The following STXBP5 variants were observed in gnomAD, a reference collection of about 807,000 sequenced individuals.
STXBP5 encodes syntaxin binding protein 5, also known as syntaxin-binding protein 5.
A neutral mutation model predicts 152.4 loss-of-function variants in STXBP5; 50 were observed. That is an observed-to-expected ratio of 0.33 (90% CI 0.26 to 0.42). STXBP5 has a LOEUF of 0.42. STXBP5 is among the 10% of genes least tolerant of loss of function. STXBP5 has a pLI of 1.00. For missense variants in STXBP5, 1,167 were observed against 1,388.6 expected (o/e 0.84, Z 2.54); for synonymous variants, 492 against 494.7 (o/e 0.99, Z 0.07).
chr6:147,215,746 A>G (rs1247894398), intron 2 of STXBP5, among the ~76,000 whole-genome samples: 2 of 152,112 alleles, frequency 1.3e-5, no homozygotes, highest in African/African-American at 2.4e-5. Context: ...AATTATTTTT[A>G]TAGGTTTTTT....
intron 23 of STXBP5, among the ~76,000 whole-genome samples, chr6:147,362,121 T>C (rs1189589715): frequency 6.6e-6 from 1 of 152,160 alleles, no homozygotes; most frequent in Non-Finnish European, 1.5e-5. Flanking sequence ...AAAGTATTCA[T>C]TGTTTATCTG....
chr6:147,328,773 T>C (rs781651391), intron 18 of STXBP5: 66 of 470,876 alleles, frequency 1.4e-4, no homozygotes, highest in South Asian at 9.9e-4. Context: ...ACTACGTTCT[T>C]CTTTTTTAAG....
At chr6:147,325,870 T>C (rs1783224427) in intron 17 of STXBP5, among the ~76,000 whole-genome samples, 1 of 152,052 alleles carries the variant, frequency 6.6e-6, no homozygotes, top group Admixed American at 6.6e-5. Flanking sequence ...AGATGAAAAA[T>C]ATTCAGAAAA....
At chr6:147,262,434 C>A in intron 6 of STXBP5, 81 bp downstream of exon 6, 1 of 809,902 alleles carries the variant, frequency 1.2e-6, no homozygotes, top group Non-Finnish European at 1.9e-6. Context: ...CAGGATCACA[C>A]TTATTACAAA....
chr6:147,235,552 T>A (rs193219097), intron 3 of STXBP5, among the ~76,000 whole-genome samples: 23 of 152,294 alleles, frequency 1.5e-4, no homozygotes, highest in African/African-American at 5.3e-4. Flanking sequence ...TTGAAAGGCC[T>A]AAGGTAAATG....
chr6:147,247,731 G>A (rs1407416950), intron 4 of STXBP5, among the ~76,000 whole-genome samples: 6 of 152,044 alleles, frequency 3.9e-5, no homozygotes, highest in Admixed American at 6.6e-5. Context: ...TTTAACGTGT[G>A]CAGTTAGTTA....
At chr6:147,229,749 G>GT (rs1050354870) in intron 2 of STXBP5, among the ~76,000 whole-genome samples, 123 of 151,322 alleles carry the variant, frequency 8.1e-4, no homozygotes, top group African/African-American at 2.8e-3. Context: ...ATTCATTCCA[G>GT]TTTTTTTTAG....
chr6:147,208,130 T>C (rs1252721280), intron 2 of STXBP5, among the ~76,000 whole-genome samples: 1 of 152,044 alleles, frequency 6.6e-6, no homozygotes, highest in Middle Eastern at 3.2e-3. Context: ...TTTGCAATTA[T>C]ACTCTAAAGT....
At chr6:147,357,007 C>T (rs780707334) in intron 22 of STXBP5, among the ~76,000 whole-genome samples, 5 of 152,088 alleles carry the variant, frequency 3.3e-5, no homozygotes, top group Non-Finnish European at 7.4e-5. Flanking sequence ...TATTGAATTC[C>T]TTTCACATGC....
chr6:147,264,371 A>G (rs1779786077), intron 6 of STXBP5, among the ~76,000 whole-genome samples: 1 of 152,100 alleles, frequency 6.6e-6, no homozygotes, highest in South Asian at 2.1e-4. Flanking sequence ...GCCACTTTAT[A>G]TACACGATTT....
chr6:147,272,638 C>G (rs1028794174), intron 7 of STXBP5, among the ~76,000 whole-genome samples: 1 of 152,116 alleles, frequency 6.6e-6, no homozygotes, highest in African/African-American at 2.4e-5. Flanking sequence ...TTCCCCTCCC[C>G]TAATATTTAT....
intron 2 of STXBP5, among the ~76,000 whole-genome samples, chr6:147,221,666 T>C (rs577167866): frequency 2.6e-5 from 4 of 152,084 alleles, no homozygotes; most frequent in East Asian, 1.9e-4. Context: ...GGGGTTTTTT[T>C]CCAATGGCTT....
rs200486614 is a variant in STXBP5, at chr6:147,260,601, T to C, written c.432-14T>C. The C allele has an allele frequency of 3.7e-6, 6 of 1,613,508 alleles. No homozygotes were observed. The Admixed American group carries it at 8.3e-5, about 22-fold the overall frequency. On this transcript the variant is annotated splice_polypyrimidine_tract_variant and intron_variant, in intron 4 of 27. Transcript: ENST00000321680. ...TTTTCAAATTTCTTTTTTGAGTATA[T>C]TTTTCTCTTGCAGGGTTACATTTTG...
At chr6:147,256,051 A>G (rs1252539055) in intron 4 of STXBP5, among the ~76,000 whole-genome samples, 1 of 152,198 alleles carries the variant, frequency 6.6e-6, no homozygotes, top group Non-Finnish European at 1.5e-5. Flanking sequence ...GTTTAAAAGA[A>G]TGTTTGGAAG....
chr6:147,213,432 ATATGTGTGTGTGTGTGTG>A (rs1213730815), intron 2 of STXBP5, among the ~76,000 whole-genome samples: 6 of 121,086 alleles, frequency 5.0e-5, no homozygotes, highest in East Asian at 4.3e-4. Context: ...ATAATTTTAT[ATATGTGTGTGTGTGTGTG>A]TGTGTGTGTG....
chr6:147,353,080 G>T (rs1784660425), intron 21 of STXBP5, among the ~76,000 whole-genome samples: 1 of 152,076 alleles, frequency 6.6e-6, no homozygotes, highest in Admixed American at 6.6e-5. Context: ...GATGATTGAG[G>T]CTGCAGTGAG....
In STXBP5 at chr6:147,389,796, A is replaced by G. The variant is rs1270857041; in HGVS notation, c.*5041A>G. The G allele has an allele frequency of 6.6e-6, 1 of 151,862 alleles. No homozygotes were observed. The highest frequency in any genetic ancestry group is 1.9e-4 in the East Asian group (1 of 5,186). 9.4% of individuals were successfully genotyped at this position (151,862 alleles called of 1,614,324 possible). On this transcript the variant is annotated 3_prime_UTR_variant, in exon 28 of 28. Transcript: ENST00000321680. Reference sequence around the variant, plus strand: ...ACAATCAACATAGCAATGGAAAGCAATGCAAAGAGGGTAAATCTTGTTTTA... The same window carrying G: ...ACAATCAACATAGCAATGGAAAGCAGTGCAAAGAGGGTAAATCTTGTTTTA...
At chr6:147,360,426 A>G (rs1028172452) in intron 23 of STXBP5, among the ~76,000 whole-genome samples, 4 of 152,220 alleles carry the variant, frequency 2.6e-5, no homozygotes, top group African/African-American at 9.6e-5. Flanking sequence ...ATGAAAGAAT[A>G]CATAGAGCAA....
intron 16 of STXBP5, among the ~76,000 whole-genome samples, chr6:147,324,287 T>TTTTTTTTTTTTC: frequency 7.1e-6 from 1 of 141,842 alleles, no homozygotes; most frequent in Non-Finnish European, 1.5e-5. Flanking sequence ...TTTTTTTTTT[T>TTTTTTTTTTTTC]TTGAGACAGA....
Sources: gnomAD v4.1 joint callset for allele counts (sites outside exome capture counted in the v4.1 genomes callset) on GRCh38, gnomAD v4.1.1 for gene constraint, MANE v1.5 for transcripts, NCBI Gene and HGNC (gene_info 2026-07-23, HGNC 2026-07-21) for gene names.